The following SLC9A9 variants were observed in gnomAD, a reference collection of about 807,000 sequenced individuals.
SLC9A9 encodes the protein solute carrier family 9 member A9.
SLC9A9 carries 62 observed loss-of-function variants against 77.8 expected under a neutral mutation model. The observed-to-expected ratio is 0.80, with a 90% CI of 0.65 to 0.98. The LOEUF is 0.98. SLC9A9 is among the 50% of genes least tolerant of loss of function. The probability of loss-of-function intolerance (pLI) is 0.00; values close to 1 mark genes in which losing one functional copy is unlikely to be tolerated. For synonymous variants in SLC9A9, 320 were observed against 283.5 expected, an observed-to-expected ratio of 1.13 and a Z score of -1.29; for missense variants, 775 against 774.9, an observed-to-expected ratio of 1.00 and a Z score of 0.00.
chr3:143,504,325 G>C, intron 9 of SLC9A9: 1 of 184,260 alleles, frequency 5.4e-6, no homozygotes, highest in South Asian at 1.1e-4. Context: ...GCTGTCTATT[G>C]AATGGGAGGA....
At chr3:143,478,777 T>C (rs1378373415) in intron 11 of SLC9A9, among the ~76,000 whole-genome samples, 1 of 152,250 alleles carries the variant, frequency 6.6e-6, no homozygotes, top group African/African-American at 2.4e-5. Context: ...TTTTTGAACA[T>C]GGTTTGCTTG....
chr3:143,436,051 C>T (rs2034616325), intron 12 of SLC9A9, among the ~76,000 whole-genome samples: 1 of 152,222 alleles, frequency 6.6e-6, no homozygotes, highest in Admixed American at 6.5e-5. Context: ...TCCACCCTTC[C>T]TCATCCTCAG....
intron 1 of SLC9A9, among the ~76,000 whole-genome samples, chr3:143,840,352 G>T (rs1385706320): frequency 7.7e-6 from 1 of 130,642 alleles, no homozygotes; most frequent in African/African-American, 2.7e-5. Context: ...ATAGTTAATG[G>T]TTCTACCTTC....
At chr3:143,814,309 G>A (rs1430245337) in intron 2 of SLC9A9, among the ~76,000 whole-genome samples, 1 of 152,156 alleles carries the variant, frequency 6.6e-6, no homozygotes, top group East Asian at 1.9e-4. Flanking sequence ...AAGGAGAAAT[G>A]ATCCAGAATC....
intron 12 of SLC9A9, among the ~76,000 whole-genome samples, chr3:143,462,552 T>A (rs1386353431): frequency 6.6e-6 from 1 of 152,152 alleles, no homozygotes; most frequent in Non-Finnish European, 1.5e-5. Context: ...TTCCTATAAG[T>A]ACCGTAATTC....
At chr3:143,388,860 C>T (rs981825705) in intron 12 of SLC9A9, among the ~76,000 whole-genome samples, 10 of 152,148 alleles carry the variant, frequency 6.6e-5, no homozygotes, top group African/African-American at 2.4e-4. Context: ...CAACAAAGAG[C>T]CTGATCAAGA....
At chr3:143,428,798 G>A (rs1365659042) in intron 12 of SLC9A9, among the ~76,000 whole-genome samples, 1 of 152,148 alleles carries the variant, frequency 6.6e-6, no homozygotes, top group African/African-American at 2.4e-5. Context: ...GATGAACCTG[G>A]AGGACATTAC....
chr3:143,750,193 G>A (rs557671765), intron 4 of SLC9A9, among the ~76,000 whole-genome samples: 2 of 152,324 alleles, frequency 1.3e-5, no homozygotes, highest in South Asian at 4.1e-4. Context: ...GGAAGACAAT[G>A]CACCAAAAGG....
chr3:143,392,142 A>T (rs1040956020), intron 12 of SLC9A9, among the ~76,000 whole-genome samples: 1 of 152,226 alleles, frequency 6.6e-6, no homozygotes, highest in Non-Finnish European at 1.5e-5. Context: ...TCCAAGACAC[A>T]TAATTGTCAT....
intron 2 of SLC9A9, among the ~76,000 whole-genome samples, chr3:143,802,776 C>T (rs1322871127): frequency 6.6e-6 from 1 of 152,126 alleles, no homozygotes; most frequent in African/African-American, 2.4e-5. Flanking sequence ...GCTCAGCCTC[C>T]AATTTAAAAA....
Position 143,612,991 on chromosome 3 carries a change from A to T in SLC9A9, c.756-34268T>A, listed in dbSNP as rs568163524. Among the ~76,000 whole-genome samples, 100 of 152,356 alleles carry T rather than the reference A, an allele frequency of 6.6e-4. 3 individuals are homozygous for T. In the South Asian group the frequency reaches 0.02, roughly 31 times the overall value. On this transcript the variant is annotated intron_variant, in intron 6 of 15. Coordinates refer to ENST00000316549, the MANE Select transcript of SLC9A9 (RefSeq NM_173653.4). ...CAGCAGGGGCTGAAATATGTGACAAACAATTTGGAAACAGCTGTGCTGATT... is the reference window on the plus strand; with the variant it reads ...CAGCAGGGGCTGAAATATGTGACAATCAATTTGGAAACAGCTGTGCTGATT...
chr3:143,514,720 T>A (rs142675664), intron 9 of SLC9A9, among the ~76,000 whole-genome samples: 11 of 152,240 alleles, frequency 7.2e-5, no homozygotes, highest in Non-Finnish European at 1.5e-4. Flanking sequence ...ATCTTGCCTC[T>A]TAGCCTTCAC....
intron 2 of SLC9A9, among the ~76,000 whole-genome samples, chr3:143,800,699 T>G (rs1560086060): frequency 6.6e-6 from 1 of 152,168 alleles, no homozygotes; most frequent in Non-Finnish European, 1.5e-5. Context: ...TTTCTCATGA[T>G]TTACTTTCTT....
chr3:143,621,790 G>T (rs2038217783), intron 6 of SLC9A9, among the ~76,000 whole-genome samples: 1 of 152,190 alleles, frequency 6.6e-6, no homozygotes, highest in African/African-American at 2.4e-5. Context: ...GTTGAGAGAA[G>T]AAGGCTTCAG....
rs939246357 is a variant in SLC9A9 at position 143,305,778 on chromosome 3, A to G, written c.1605-36798T>C. ...CTCATTAAAAAAGAAATGACTGAAGATAACAAGGGGTGTGTCTTTGGCCAG... is the reference window on the plus strand; with the variant it reads ...CTCATTAAAAAAGAAATGACTGAAGGTAACAAGGGGTGTGTCTTTGGCCAG... On this transcript the variant is annotated intron_variant, in intron 14 of 15. Coordinates refer to ENST00000316549, the MANE Select transcript of SLC9A9 (RefSeq NM_173653.4). Among the ~76,000 whole-genome samples, 5 of 152,322 alleles carry G rather than the reference A, an allele frequency of 3.3e-5. No individual in the cohort carries two copies. In the South Asian group the frequency reaches 1.0e-3, roughly 32 times the overall value.
chr3:143,601,318 TC>T (rs2037841670), intron 6 of SLC9A9, among the ~76,000 whole-genome samples: 1 of 152,038 alleles, frequency 6.6e-6, no homozygotes, highest in Non-Finnish European at 1.5e-5. Context: ...TTTGTAACCC[TC>T]CCCACCCCCA....
chr3:143,521,356 C>T (rs1002305763), intron 9 of SLC9A9, among the ~76,000 whole-genome samples: 1 of 152,080 alleles, frequency 6.6e-6, no homozygotes, highest in African/African-American at 2.4e-5. Flanking sequence ...TAATGTTATA[C>T]TTTGTGATCT....
intron 14 of SLC9A9, among the ~76,000 whole-genome samples, chr3:143,306,849 A>G (rs548689171): frequency 6.6e-6 from 1 of 152,284 alleles, no homozygotes; most frequent in African/African-American, 2.4e-5. Context: ...TTCTCTTCTC[A>G]GCCCTGTCTT....
intron 1 of SLC9A9, among the ~76,000 whole-genome samples, chr3:143,840,321 GA>G (rs200173242): frequency 0.058 from 7,832 of 134,136 alleles, 679 homozygotes; most frequent in African/African-American, 0.19. Context: ...ACAGATTTCA[GA>G]ACTTGGAAAA....
Sources: allele counts gnomAD v4.1 joint callset (sites outside exome capture counted in the v4.1 genomes callset), GRCh38; gene constraint gnomAD v4.1.1; transcripts MANE v1.5; gene names NCBI Gene and HGNC (gene_info 2026-07-23, HGNC 2026-07-21).